Variants in C10orf143 observed in about 807,000 individuals in gnomAD.
C10orf143 encodes uncharacterized protein C10orf143.
chr10:130,047,171 G>A (rs1400002832), intron 3 of C10orf143, among the ~76,000 whole-genome samples: 1 of 152,220 alleles, frequency 6.6e-6, no homozygotes, highest in African/African-American at 2.4e-5. Flanking sequence ...GAGCCTGGCG[G>A]ATGCACTGGG....
At chr10:130,039,930 G>T (rs1046526969) in intron 3 of C10orf143, among the ~76,000 whole-genome samples, 1 of 152,182 alleles carries the variant, frequency 6.6e-6, no homozygotes, top group African/African-American at 2.4e-5. Flanking sequence ...CAATGTGCAG[G>T]GTTTGGGATA....
intron 1 of C10orf143, among the ~76,000 whole-genome samples, chr10:130,098,996 G>A (rs1389063707): frequency 6.6e-6 from 1 of 151,576 alleles, no homozygotes; most frequent in Non-Finnish European, 1.5e-5. Flanking sequence ...GCTGAGGCAG[G>A]AGAATCACTT....
At chr10:130,080,675 A>C (rs1590022170) in intron 1 of C10orf143, among the ~76,000 whole-genome samples, 1 of 152,216 alleles carries the variant, frequency 6.6e-6, no homozygotes, top group Non-Finnish European at 1.5e-5. Flanking sequence ...GTCAGAACAC[A>C]CTTCATGGTA....
intron 3 of C10orf143, among the ~76,000 whole-genome samples, chr10:130,077,500 A>G (rs1386451303): frequency 1.3e-5 from 2 of 152,218 alleles, no homozygotes; most frequent in Non-Finnish European, 2.9e-5. Flanking sequence ...TACCCCTCAC[A>G]TCACCTTGGC....
Position 130,074,026 on chromosome 10 carries a change from C to T in C10orf143, c.297+5540G>A, listed in dbSNP as rs899079114. Among the ~76,000 whole-genome samples, 5 of 152,124 alleles carry T rather than the reference C, an allele frequency of 3.3e-5. No homozygotes were observed. The East Asian group carries it at 5.8e-4, about 18-fold the overall frequency. ...TTAGCCAAGAGCTTCTCACTGTGTCCGGGGATGAAGTCCACAAAAACCCGC... is the reference window on the plus strand; with the variant it reads ...TTAGCCAAGAGCTTCTCACTGTGTCTGGGGATGAAGTCCACAAAAACCCGC... On this transcript the variant is annotated intron_variant, in intron 3 of 3. Coordinates refer to ENST00000637128, the MANE Select transcript of C10orf143 (RefSeq NM_001355042.2).
chr10:130,096,965 ATTTTT>A (rs1156814625), intron 1 of C10orf143, among the ~76,000 whole-genome samples: 1 of 145,180 alleles, frequency 6.9e-6, no homozygotes, highest in Non-Finnish European at 1.5e-5. Flanking sequence ...TAATTTTTTA[ATTTTT>A]TTTTTTTTGA....
Position 130,056,383 on chromosome 10 carries a change from A to G in C10orf143, c.298-20413T>C, listed in dbSNP as rs1188436288. ...AGCACCCCTGAGAGCCGCTGCATGC[A>G]CAGGGCTCAACAGCAAGGGTCATGC... On this transcript the variant is annotated intron_variant and NMD_transcript_variant, in intron 3 of 5. Transcript: ENST00000643056. This position sits in a 1 kb window ranked among gnomAD's most constrained non-coding sequence, Gnocchi z 4.6. Among the ~76,000 whole-genome samples the G allele has an allele frequency of 6.6e-6, 1 of 152,122 alleles. No homozygotes were observed. The highest frequency in any genetic ancestry group is 2.4e-5 in the African/African-American group (1 of 41,434).
intron 1 of C10orf143, among the ~76,000 whole-genome samples, chr10:130,096,049 T>G (rs976444369): frequency 6.6e-6 from 1 of 152,060 alleles, no homozygotes; most frequent in Non-Finnish European, 1.5e-5. Context: ...CTCCATCTGA[T>G]GAAGGGCTAA....
intron 3 of C10orf143, among the ~76,000 whole-genome samples, chr10:130,053,912 G>T (rs893613876): frequency 1.3e-5 from 2 of 152,224 alleles, no homozygotes; most frequent in Admixed American, 6.5e-5. Flanking sequence ...AGATTCTCAC[G>T]TGGGAGAGTG....
intron 3 of C10orf143, among the ~76,000 whole-genome samples, chr10:130,047,084 A>C (rs891805135): frequency 6.6e-6 from 1 of 152,242 alleles, no homozygotes; most frequent in Non-Finnish European, 1.5e-5. Flanking sequence ...GGCTTGTCAC[A>C]TCACGGCACT....
At chr10:130,060,871 C>T (rs899310433), downstream of C10orf143, among the ~76,000 whole-genome samples, 41 of 150,070 alleles carry the variant, frequency 2.7e-4, no homozygotes, top group African/African-American at 9.3e-4. Context: ...GGCGCGGTGG[C>T]TCACACCTGT....
intron 3 of C10orf143, among the ~76,000 whole-genome samples, chr10:130,073,101 C>G (rs903891914): frequency 2.6e-5 from 4 of 152,160 alleles, no homozygotes; most frequent in African/African-American, 9.7e-5. Context: ...CTCTTCTCAC[C>G]ATGGTGGTAG....
At chr10:130,073,975 C>T (rs990948546) in intron 3 of C10orf143, among the ~76,000 whole-genome samples, 1 of 152,174 alleles carries the variant, frequency 6.6e-6, no homozygotes, top group Non-Finnish European at 1.5e-5. Context: ...TATTCCCTCA[C>T]AGTGTGAGTA....
At chr10:130,103,023 G>C (rs892639984) in intron 1 of C10orf143, among the ~76,000 whole-genome samples, 1 of 151,520 alleles carries the variant, frequency 6.6e-6, no homozygotes, top group Non-Finnish European at 1.5e-5. Context: ...TTGCCACCCA[G>C]GCTGGCGTGC....
chr10:130,079,760 C>G lies in C10orf143; in HGVS notation c.211G>C (p.Gly71Arg), dbSNP rs532965399. ...ACCCCTGTACTTAGCCTCCCCTGGC[C>G]ACTCTCTGGCCTTGGTGCTGGGAGG... ...GCLPAPRPES[G>R]QGRLSTGISQ... The change falls in exon 2 of 4, where the codon GGC becomes CGC. Residue 71 changes from glycine to arginine, a missense_variant. Coordinates refer to ENST00000637128, the MANE Select transcript of C10orf143 (RefSeq NM_001355042.2). 3 of 398,644 alleles carry G rather than the reference C, an allele frequency of 7.5e-6. No homozygotes were observed. In the South Asian group the frequency reaches 3.8e-4, roughly 51 times the overall value. The allele number at this position is 398,644 out of a possible 1,614,324, so 24.7% of individuals were successfully genotyped here. A position where few individuals can be genotyped will look rare whatever the true frequency, so the allele number is the denominator to read the frequency against.
chr10:130,074,448 T>C (rs1861082625), intron 3 of C10orf143, among the ~76,000 whole-genome samples: 1 of 152,224 alleles, frequency 6.6e-6, no homozygotes, highest in East Asian at 1.9e-4. Flanking sequence ...GGATGCTTGC[T>C]ATCAGCTGTG....
intron 1 of C10orf143, among the ~76,000 whole-genome samples, chr10:130,100,184 T>C (rs568776024): frequency 2.0e-5 from 3 of 152,082 alleles, no homozygotes; most frequent in African/African-American, 4.8e-5. Flanking sequence ...CAACTTCCTC[T>C]TTGGGCCAAT....
At chr10:130,107,391 G>A (rs761254076) in intron 1 of C10orf143, 38 of 1,139,200 alleles carry the variant, frequency 3.3e-5, no homozygotes, top group African/African-American at 1.5e-4. Flanking sequence ...TATTATCAAC[G>A]GCAGATTATT....
At chr10:130,106,866 T>C (rs1250234247) in intron 1 of C10orf143, 4 of 1,119,092 alleles carry the variant, frequency 3.6e-6, no homozygotes, top group South Asian at 2.5e-5. Context: ...TTGCTAAAGA[T>C]GAAAGATTGG....
Sources: gnomAD v4.1 joint callset for allele counts (sites outside exome capture counted in the v4.1 genomes callset) on GRCh38, gnomAD v4.1.1 for gene constraint, Gnocchi (gnomAD v3.1) non-coding constraint, MANE v1.5 for transcripts, NCBI Gene and HGNC (gene_info 2026-07-23, HGNC 2026-07-21) for gene names.